Variants in GCN1 observed in about 807,000 individuals in gnomAD.
GCN1 encodes the protein GCN1 activator of EIF2AK4.
A neutral mutation model predicts 288.4 loss-of-function variants in GCN1; 90 were observed. The observed-to-expected ratio is 0.31, with a 90% CI of 0.26 to 0.37. The LOEUF (loss-of-function observed/expected upper bound fraction) is 0.37. Among genes scored for constraint, GCN1 ranks in the 10% least tolerant of loss-of-function variants. The pLI, the probability that GCN1 is intolerant of heterozygous loss-of-function variation, is 1.00. For missense variants in GCN1, 2,586 were observed against 3,419.9 expected (o/e 0.76, Z 6.08); for synonymous variants, 1,386 against 1,420.2 (o/e 0.98, Z 0.54).
chr12:120,163,252 GGCA>G lies in GCN1; in HGVS notation c.1853_1855del (p.Leu618del). On this transcript the variant is annotated inframe_deletion, in exon 19 of 58. Transcript: ENST00000300648. ...AGCATCAGTCACCAAAGCCTCTAAG[GGCA>G]GCACCTGTGTGGAGACACATGAGAT... 6.2e-7 allele frequency: 1 copy of G among 1,613,534 alleles called. No individual in the cohort carries two copies. The highest frequency in any genetic ancestry group is 1.3e-5 in the African/African-American group (1 of 75,058).
rs1446550597 is a variant in GCN1 at position 120,127,930 on chromosome 12, G to A, written c.7935C>T (p.Asn2645=). 3.7e-6 allele frequency: 6 copies of A among 1,614,008 alleles called. No individual in the cohort carries two copies. Among genetic ancestry groups the A allele is most frequent in the Admixed American group, 1.7e-5 (1 of 60,016 alleles). Residue 2645 remains asparagine, a synonymous_variant, in exon 58 of 58, where the codon AAC becomes AAT. Coordinates refer to ENST00000300648, the MANE Select transcript of GCN1 (RefSeq NM_006836.2). ...ILDVASLEVL[N]EVNRRSLKKL... ...TCTTCAGGGACCTTCGGTTAACCTC[G>A]TTCAGCACCTCCAAACTGGCCACAT... is the stretch of plus-strand genomic sequence containing the variant.
intron 44 of GCN1, among the ~76,000 whole-genome samples, chr12:120,141,995 G>A (rs1566300548): frequency 6.6e-6 from 1 of 152,148 alleles, no homozygotes; most frequent in Non-Finnish European, 1.5e-5. Context: ...GTGTCCCCAG[G>A]TGCTAGGCCC....
At chr12:120,175,522 A>G (rs1458064834) in intron 11 of GCN1, among the ~76,000 whole-genome samples, 1 of 152,224 alleles carries the variant, frequency 6.6e-6, no homozygotes, top group Non-Finnish European at 1.5e-5. Flanking sequence ...TATGCCTACA[A>G]AAATGTGTAT....
intron 24 of GCN1, among the ~76,000 whole-genome samples, chr12:120,159,134 T>C (rs1274219399): frequency 6.6e-6 from 1 of 152,004 alleles, no homozygotes; most frequent in Non-Finnish European, 1.5e-5. Flanking sequence ...ATTTAAGAAA[T>C]GAGTACGCTG....
chr12:120,142,817 C>T lies in GCN1; in HGVS notation c.5613+7G>A, dbSNP rs748948315. ...ATCAGCAGGGGCAGGAAAGCCACTG[C>T]AGGCACCTTGTTGGACTGGGCAGTT... is the stretch of plus-strand genomic sequence containing the variant. On this transcript the variant is annotated splice_region_variant and intron_variant, in intron 43 of 57. Coordinates refer to ENST00000300648, the MANE Select transcript of GCN1 (RefSeq NM_006836.2). This position sits in a 1 kb window ranked among gnomAD's most constrained non-coding sequence, Gnocchi z 4.9. The T allele has an allele frequency of 1.7e-5, 27 of 1,606,550 alleles. No homozygotes were observed. The highest frequency in any genetic ancestry group is 2.3e-5 in the Non-Finnish European group (27 of 1,173,144).
chr12:120,190,470 T>G, intron 1 of GCN1, 70 bp from the exon 2 acceptor site: 1 of 854,720 alleles, frequency 1.2e-6, no homozygotes, highest in Admixed American at 1.7e-5. Context: ...TGTTGAGGGG[T>G]GGGTGTAGAA....
Position 120,181,422 on chromosome 12 carries a change from G to A in GCN1, c.426+2147C>T, listed in dbSNP as rs191921579. On this transcript the variant is annotated intron_variant, in intron 5 of 57. Coordinates refer to ENST00000300648, the MANE Select transcript of GCN1 (RefSeq NM_006836.2). The stretch of plus-strand genomic sequence containing the variant: ...CAAGGCTGCAGTGAGCTGAGATCAT[G>A]CCACTGTGCTCCAGCCTGGGTGACA... Among the ~76,000 whole-genome samples the A allele has an allele frequency of 1.3e-4, 17 of 132,162 alleles. No homozygotes were observed. In the East Asian group the frequency reaches 3.6e-3, roughly 28 times the overall value. 86.7% of individuals were successfully genotyped at this position (132,162 alleles called of 152,430 possible).
Position 120,137,357 on chromosome 12 carries a change from C to A in GCN1, c.6664-38G>T, listed in dbSNP as rs1049147000. 2.0e-6 allele frequency: 3 copies of A among 1,532,270 alleles called. No individual in the cohort carries two copies. In the African/African-American group the frequency reaches 4.1e-5, roughly 21 times the overall value. 94.9% of individuals were successfully genotyped at this position (1,532,270 alleles called of 1,614,324 possible). On this transcript the variant is annotated intron_variant, in intron 49 of 57. Coordinates refer to ENST00000300648, the MANE Select transcript of GCN1 (RefSeq NM_006836.2). This position sits in a 1 kb window ranked among gnomAD's most constrained non-coding sequence, Gnocchi z 5.2. ...AGGAAAAAGCGAGAGGATGTACAGC[C>A]CTCTCAAGACTGCTTCCAAAGAATA...
intron 16 of GCN1, 111 bp from the exon 17 acceptor site, chr12:120,164,832 A>C: frequency 1.6e-5 from 10 of 643,856 alleles, no homozygotes; most frequent in Admixed American, 3.0e-5. Flanking sequence ...CAAAATATAA[A>C]TGTGATTATC....
chr12:120,139,623 G>A (rs925890865), intron 45 of GCN1, among the ~76,000 whole-genome samples: 4 of 151,110 alleles, frequency 2.6e-5, no homozygotes, highest in East Asian at 1.9e-4. Context: ...GTAAGACCCC[G>A]TCTCAATAAA....
At position 120,144,412 on chromosome 12, in the gene GCN1, C is replaced by T. The variant is rs1480248861; in HGVS notation, c.5389G>A (p.Ala1797Thr). 5.6e-6 allele frequency: 9 copies of T among 1,614,090 alleles called. No individual in the cohort carries two copies. The highest frequency in any genetic ancestry group is 4.5e-5 in the East Asian group (2 of 44,900). The change falls in exon 42 of 58, where the codon GCC (alanine) becomes ACC (threonine). Residue 1797 changes from alanine (A) to threonine (T), a missense_variant. Ala to Thr is a moderately conservative substitution (Grantham distance 58). Coordinates refer to ENST00000300648, the MANE Select transcript of GCN1 (RefSeq NM_006836.2). This position sits in a 1 kb window ranked among gnomAD's most constrained non-coding sequence, Gnocchi z 4.7. ...ADENEFVRDT[A>T]LRAGQRVISM... ...ATAACCCGCTGGCCCGCGCGCAGGG[C>T]GGTGTCACGCACAAACTCATTCTCA...
intron 36 of GCN1, among the ~76,000 whole-genome samples, chr12:120,148,611 C>A (rs1877435810): frequency 6.6e-6 from 1 of 152,168 alleles, no homozygotes; most frequent in Non-Finnish European, 1.5e-5. Flanking sequence ...TTAATCCTTA[C>A]AGTGAGATCC....
rs762320935 is a variant in GCN1 at position 120,134,265 on chromosome 12, G to A, written c.7317+26C>T. 5 of 1,495,280 alleles carry A rather than the reference G, an allele frequency of 3.3e-6. No individual in the cohort carries two copies. The highest frequency in any genetic ancestry group is 1.4e-5 in the African/African-American group (1 of 72,792). The allele number at this position is 1,495,280 out of a possible 1,614,324, so 92.6% of individuals were successfully genotyped here. ...GGAGGGAAACCAGTGGTCCAGTGCT[G>A]CCACTAGTCCTGCCTGCAGCCGTAC... On this transcript the variant is annotated intron_variant, in intron 53 of 57. Transcript: ENST00000300648. This position sits in a 1 kb window ranked among gnomAD's most constrained non-coding sequence, Gnocchi z 5.0.
At chr12:120,154,724 T>C (rs1226282882) in intron 31 of GCN1, among the ~76,000 whole-genome samples, 1 of 152,234 alleles carries the variant, frequency 6.6e-6, no homozygotes, top group Non-Finnish European at 1.5e-5. Context: ...ATGCGGTTAG[T>C]GGCTACATCT....
At chr12:120,181,659 G>C (rs1878666775) in intron 5 of GCN1, among the ~76,000 whole-genome samples, 2 of 151,562 alleles carry the variant, frequency 1.3e-5, no homozygotes, top group Non-Finnish European at 2.9e-5. Flanking sequence ...GACCAACATA[G>C]AGAAACCCCG....
intron 33 of GCN1, 45 bp from the exon 34 acceptor site, chr12:120,151,436 G>A (rs781722781): frequency 3.3e-5 from 53 of 1,602,320 alleles, no homozygotes; most frequent in East Asian, 1.3e-4. Context: ...CGCTGCAGCC[G>A]TTTCATGGTT....
chr12:120,162,190 A>G (rs375496428), intron 20 of GCN1, 132 bp from the exon 21 acceptor site: 2 of 722,820 alleles, frequency 2.8e-6, no homozygotes, highest in East Asian at 2.7e-5. Context: ...GGCAATGCCC[A>G]TCACAGTGGC....
chr12:120,183,581 G>C lies in GCN1; in HGVS notation c.414C>G (p.Ile138Met), dbSNP rs1878731546. Residue 138 changes from isoleucine (I) to methionine (M), a missense_variant, in exon 5 of 58, where the codon ATC (isoleucine) becomes ATG (methionine). Around this residue, in one of 8 missense-constraint regions of GCN1, gnomAD observed 913 missense variants for 1,107.0 expected, o/e 0.82. Coordinates refer to ENST00000300648, the MANE Select transcript of GCN1 (RefSeq NM_006836.2). ...ACAGGGAACCTACCAGTTTGTTCCAGATGTCTCCTTGTCGCTTGGCTCTCG... is the reference window on the plus strand; with the variant it reads ...ACAGGGAACCTACCAGTTTGTTCCACATGTCTCCTTGTCGCTTGGCTCTCG... The part of the protein sequence containing the change: ...FPSRAKRQGD[I>M]WNKLVEVQCL... 1 of 1,602,796 alleles carries C rather than the reference G, an allele frequency of 6.2e-7. No homozygotes were observed. The highest frequency in any genetic ancestry group is 8.6e-7 in the Non-Finnish European group (1 of 1,169,588).
At chr12:120,184,075 T>G (rs377629725) in intron 4 of GCN1, 37 bp downstream of exon 4, 6 of 1,589,876 alleles carry the variant, frequency 3.8e-6, no homozygotes, top group Non-Finnish European at 5.2e-6. Flanking sequence ...AGCAGGACTG[T>G]ACCAATTCTC....
Sources: allele counts gnomAD v4.1 joint callset (sites outside exome capture counted in the v4.1 genomes callset), GRCh38; gene constraint gnomAD v4.1.1; regional missense constraint gnomAD v4.1.1; non-coding constraint Gnocchi (gnomAD v3.1); transcripts MANE v1.5; gene names NCBI Gene and HGNC (gene_info 2026-07-23, HGNC 2026-07-21).